Variants in CACNA2D3 observed in about 807,000 individuals in gnomAD.
CACNA2D3 encodes calcium voltage-gated channel auxiliary subunit alpha2delta 3, also known as voltage-dependent calcium channel subunit alpha-2/delta-3.
In CACNA2D3, 60 loss-of-function variants were observed where a neutral mutation model predicts 160.6. That is an observed-to-expected ratio of 0.37 (90% CI 0.30 to 0.46). The LOEUF (loss-of-function observed/expected upper bound fraction) is 0.46. CACNA2D3 is among the 20% of genes least tolerant of loss of function. CACNA2D3 has a pLI of 1.00. For synonymous variants in CACNA2D3, 558 were observed against 492.9 expected, an observed-to-expected ratio of 1.13 and a Z score of -1.75; for missense variants, 1,205 against 1,365.0, an observed-to-expected ratio of 0.88 and a Z score of 1.85.
chr3:54,727,420 A>G (rs562874708), intron 11 of CACNA2D3, among the ~76,000 whole-genome samples: 139 of 152,206 alleles, frequency 9.1e-4, no homozygotes, highest in Non-Finnish European at 1.4e-3. Context: ...TATACCCAAA[A>G]GATTATAAAT....
intron 27 of CACNA2D3, chr3:54,918,818 C>A (rs1559628939): frequency 3.7e-6 from 6 of 1,610,796 alleles, no homozygotes; most frequent in Non-Finnish European, 5.1e-6. Context: ...TGGTACAGCT[C>A]ATGAGGGATC....
intron 35 of CACNA2D3, among the ~76,000 whole-genome samples, chr3:55,036,501 T>C (rs1703818863): frequency 6.6e-6 from 1 of 152,104 alleles, no homozygotes; most frequent in Admixed American, 6.5e-5. Flanking sequence ...GGAGTCTCAC[T>C]CTGTTGCCCA....
intron 11 of CACNA2D3, among the ~76,000 whole-genome samples, chr3:54,723,171 G>T (rs966935077): frequency 6.6e-6 from 1 of 152,216 alleles, no homozygotes; most frequent in Non-Finnish European, 1.5e-5. Context: ...AAACTTCCCA[G>T]TGGCTTTGTT....
At chr3:54,952,828 C>T (rs1701792686) in intron 27 of CACNA2D3, among the ~76,000 whole-genome samples, 4 of 152,242 alleles carry the variant, frequency 2.6e-5, no homozygotes, top group South Asian at 4.2e-4. Context: ...GAGGATTCCA[C>T]GTGCTCTTTG....
At chr3:54,617,444 T>G (rs1698877756) in intron 9 of CACNA2D3, among the ~76,000 whole-genome samples, 1 of 152,104 alleles carries the variant, frequency 6.6e-6, no homozygotes, top group Admixed American at 6.6e-5. Flanking sequence ...CCTGAATAAG[T>G]CAGAGGTCCC....
rs1701956748 is a variant in CACNA2D3 at position 54,240,556 on chromosome 3, A to C, written c.205-79886A>C. 2.0e-5 allele frequency among the ~76,000 whole-genome samples: 3 copies of C among 152,136 alleles called. No homozygotes were observed. The South Asian group carries it at 6.2e-4, about 31-fold the overall frequency. ...TGGATCAGCATCCAACAGCGCATGC[A>C]TTTTCTCCTAGTAAGTGAGGATGAG... On this transcript the variant is annotated intron_variant, in intron 2 of 37. Transcript: ENST00000474759.
intron 27 of CACNA2D3, among the ~76,000 whole-genome samples, chr3:54,944,974 G>A (rs1394121057): frequency 1.3e-5 from 2 of 152,126 alleles, no homozygotes; most frequent in African/African-American, 4.8e-5. Context: ...CAGATTGAAA[G>A]TTTCTCCACA....
intron 11 of CACNA2D3, among the ~76,000 whole-genome samples, chr3:54,726,126 CAG>C (rs1385852543): frequency 1.3e-5 from 2 of 152,186 alleles, no homozygotes; most frequent in South Asian, 2.1e-4. Flanking sequence ...AATAGACAAA[CAG>C]AGAGCCAAAT....
chr3:54,956,654 T>C (rs940138733), intron 27 of CACNA2D3, among the ~76,000 whole-genome samples: 12 of 152,200 alleles, frequency 7.9e-5, no homozygotes, highest in Non-Finnish European at 1.5e-4. Flanking sequence ...TCTTTAACTC[T>C]ACCTCCAGAT....
At chr3:54,308,700 C>A (rs1364110991) in intron 2 of CACNA2D3, among the ~76,000 whole-genome samples, 1 of 152,188 alleles carries the variant, frequency 6.6e-6, no homozygotes. Flanking sequence ...TGCTTGATCT[C>A]TCTATACCTT....
intron 2 of CACNA2D3, among the ~76,000 whole-genome samples, chr3:54,214,498 G>T (rs12631896): frequency 0.049 from 7,385 of 152,204 alleles, 297 homozygotes; most frequent in East Asian, 0.22. Context: ...GTACACAGTG[G>T]GCTGCCCCTG....
chr3:54,861,323 C>T (rs1399627527), intron 17 of CACNA2D3, among the ~76,000 whole-genome samples: 1 of 152,062 alleles, frequency 6.6e-6, no homozygotes, highest in African/African-American at 2.4e-5. Context: ...ATTCAGAGCA[C>T]ATGGGGTGGC....
intron 5 of CACNA2D3, among the ~76,000 whole-genome samples, chr3:54,526,540 T>A (rs1420120540): frequency 2.6e-5 from 4 of 152,306 alleles, no homozygotes; most frequent in African/African-American, 9.6e-5. Flanking sequence ...GTCTATTTCT[T>A]CCCTTCTCTG....
chr3:54,934,448 A>C (rs540174736), intron 27 of CACNA2D3, among the ~76,000 whole-genome samples: 3 of 152,262 alleles, frequency 2.0e-5, no homozygotes, highest in African/African-American at 7.2e-5. Flanking sequence ...TTCAGGTTCA[A>C]GGAATGCCTA....
chr3:55,027,636 G>T (rs1449136302), intron 35 of CACNA2D3, among the ~76,000 whole-genome samples: 2 of 152,152 alleles, frequency 1.3e-5, no homozygotes, highest in African/African-American at 4.8e-5. Flanking sequence ...AACTTTGTAG[G>T]TAACTTCAGG....
intron 27 of CACNA2D3, among the ~76,000 whole-genome samples, chr3:54,959,062 C>G (rs1176232162): frequency 6.6e-6 from 1 of 152,110 alleles, no homozygotes; most frequent in Non-Finnish European, 1.5e-5. Context: ...GATCGCGCCA[C>G]TGCACTCCAG....
intron 34 of CACNA2D3, among the ~76,000 whole-genome samples, chr3:55,011,197 C>G (rs1703203937): frequency 6.6e-6 from 1 of 152,232 alleles, no homozygotes. Flanking sequence ...CCATGCCTGT[C>G]CAGGCTTGGC....
At chr3:55,011,541 G>C (rs1405525212) in intron 34 of CACNA2D3, among the ~76,000 whole-genome samples, 1 of 151,456 alleles carries the variant, frequency 6.6e-6, no homozygotes, top group African/African-American at 2.4e-5. Flanking sequence ...AAATGATTCT[G>C]TTTCTGAAAA....
Position 54,975,521 on chromosome 3 carries a change from CAAAA to C in CACNA2D3, c.2556+5700_2556+5703del, listed in dbSNP as rs55819960. Among the ~76,000 whole-genome samples the C allele has an allele frequency of 2.7e-4, 21 of 77,774 alleles. No homozygotes were observed. The South Asian group carries it at 3.7e-3, about 14-fold the overall frequency. 51.0% of individuals were successfully genotyped at this position (77,774 alleles called of 152,430 possible). ...GGGCAACAGAGTGAGACTTGGTCTC[CAAAA>C]AAAAAAAAAAAAAAAAAAAAAACAA... On this transcript the variant is annotated intron_variant, in intron 29 of 37. Coordinates refer to ENST00000474759, the MANE Select transcript of CACNA2D3 (RefSeq NM_018398.3).
Sources: gnomAD v4.1 joint callset for allele counts (sites outside exome capture counted in the v4.1 genomes callset) on GRCh38, gnomAD v4.1.1 for gene constraint, MANE v1.5 for transcripts, NCBI Gene and HGNC (gene_info 2026-07-23, HGNC 2026-07-21) for gene names.